Variants in KANSL2 observed in about 807,000 individuals in gnomAD.
KANSL2 encodes KAT8 regulatory NSL complex subunit 2, also known as NSL complex protein NSL2.
Under a neutral mutation model 55.6 loss-of-function variants are expected in KANSL2, and 34 were observed. That is an observed-to-expected ratio of 0.61 (90% CI 0.46 to 0.81). KANSL2 has a LOEUF of 0.81. Among genes scored for constraint, KANSL2 ranks in the 40% least tolerant of loss-of-function variants. KANSL2 has a pLI of 0.00. For missense variants in KANSL2, 502 were observed against 609.9 expected (o/e 0.82, Z 1.86); for synonymous variants, 209 against 214.3 (o/e 0.98, Z 0.22).
intron 7 of KANSL2, chr12:48,662,545 G>A (rs1449810395): frequency 7.9e-7 from 1 of 1,261,278 alleles, no homozygotes; most frequent in African/African-American, 1.6e-5. Flanking sequence ...AAAAAGAAGG[G>A]AATGGTTAAC....
chr12:48,660,500 G>A lies in KANSL2; in HGVS notation c.1093C>T (p.Gln365Ter), dbSNP rs1020178544. 1 of 1,613,666 alleles carries A rather than the reference G, an allele frequency of 6.2e-7. No individual in the cohort carries two copies. Among genetic ancestry groups the A allele is most frequent in the Admixed American group, 1.7e-5 (1 of 59,968 alleles). ...GGCTTATACATCTGAGGAGGCAACTGGAAATGCAGTGGGCAGCAGGGATCC... is the reference window on the plus strand; with the variant it reads ...GGCTTATACATCTGAGGAGGCAACTAGAAATGCAGTGGGCAGCAGGGATCC... ...SEDPCCPLHF[Q>*]LPPQMYKPEQ... The change falls in exon 8 of 10, where the codon CAG (glutamine) becomes TAG (stop). Residue 365 changes from glutamine to a stop codon, truncating the protein, a stop_gained. Transcript: ENST00000420613. LOFTEE classifies it high-confidence loss of function.
intron 7 of KANSL2, among the ~76,000 whole-genome samples, chr12:48,665,031 A>G (rs4500528): frequency 0.28 from 42,275 of 151,516 alleles, 7,170 homozygotes; most frequent in East Asian, 0.76. Flanking sequence ...CATCGTGACC[A>G]GATAATTTTT....
In KANSL2 at chr12:48,671,837, C is replaced by T. The variant is rs755616374; in HGVS notation, c.671G>A (p.Arg224Gln). 1.9e-5 allele frequency: 30 copies of T among 1,612,668 alleles called. No individual in the cohort carries two copies. In the Admixed American group the frequency reaches 3.5e-4, roughly 19 times the overall value. ...TTCCACTTTGCGATTATGTAAGTAT[C>T]GGCGCTTCTTCTCCTTGAGCAGATG... ...LQHLLKEKKR[R>Q]YLHNRKVEHE... is the part of the protein sequence containing the mutation. Residue 224 changes from arginine to glutamine, a missense_variant, in exon 5 of 10, where the codon CGA (arginine) becomes CAA (glutamine). Arg to Gln is a conservative substitution (Grantham distance 43). Transcript: ENST00000420613.
At chr12:48,674,622 AAAAG>A (rs1939787170) in intron 4 of KANSL2, among the ~76,000 whole-genome samples, 1 of 152,234 alleles carries the variant, frequency 6.6e-6, no homozygotes, top group Admixed American at 6.5e-5. Context: ...AGTAAAAGTG[AAAAG>A]AAATTAAGAA....
Position 48,660,616 on chromosome 12 carries a change from A to G in KANSL2, c.977T>C (p.Ile326Thr). ...LPMTRHCLTH[I>T]CQDTNQVLFK... The stretch of plus-strand genomic sequence containing the variant: ...GAGAACCTGATTCGTATCCTGACAA[A>G]TATCTGTAGAAAAATGGTCAAGGGA... The change falls in exon 8 of 10, where the codon ATT (isoleucine) becomes ACT (threonine). Residue 326 changes from isoleucine to threonine, a missense_variant. By Grantham distance (89) the Ile-to-Thr change is moderately conservative. Coordinates refer to ENST00000420613, the MANE Select transcript of KANSL2 (RefSeq NM_017822.4). The G allele has an allele frequency of 1.9e-6, 3 of 1,610,744 alleles. No homozygotes were observed. Among genetic ancestry groups the G allele is most frequent in the East Asian group, 2.2e-5 (1 of 44,826 alleles).
chr12:48,679,623 T>A, intron 3 of KANSL2, 32 bp downstream of exon 3: 2 of 1,594,006 alleles, frequency 1.3e-6, no homozygotes, highest in African/African-American at 1.3e-5. Context: ...ACTTTCTTCC[T>A]CCTTTTTCAT....
intron 4 of KANSL2, among the ~76,000 whole-genome samples, chr12:48,672,433 A>ATATATATTTT (rs371918890): frequency 4.2e-5 from 5 of 120,384 alleles, no homozygotes; most frequent in African/African-American, 1.8e-4. Flanking sequence ...ATATATATAT[A>ATATATATTTT]TTTTTTTTTT....
intron 4 of KANSL2, among the ~76,000 whole-genome samples, chr12:48,673,152 CTAATTTT>C (rs1441893149): frequency 6.6e-6 from 1 of 152,180 alleles, no homozygotes; most frequent in African/African-American, 2.4e-5. Context: ...CTGTCCTCAG[CTAATTTT>C]CTTGACAATA....
intron 7 of KANSL2, among the ~76,000 whole-genome samples, chr12:48,664,072 G>A (rs1215136231): frequency 5.3e-5 from 8 of 150,986 alleles, no homozygotes; most frequent in African/African-American, 7.3e-5. Context: ...CCATCACCAC[G>A]CCTGGCTAAT....
intron 4 of KANSL2, among the ~76,000 whole-genome samples, chr12:48,678,480 A>G (rs1023552002): frequency 1.3e-5 from 2 of 152,172 alleles, no homozygotes; most frequent in Non-Finnish European, 2.9e-5. Flanking sequence ...ACACACAAAA[A>G]AACACTAAAT....
At chr12:48,663,379 T>C (rs182085420) in intron 7 of KANSL2, among the ~76,000 whole-genome samples, 6 of 152,302 alleles carry the variant, frequency 3.9e-5, no homozygotes, top group Non-Finnish European at 5.9e-5. Flanking sequence ...TTTTGAAAAA[T>C]TGTATATTTT....
chr12:48,663,095 C>T (rs981790790), intron 7 of KANSL2, among the ~76,000 whole-genome samples: 1 of 152,184 alleles, frequency 6.6e-6, no homozygotes, highest in Non-Finnish European at 1.5e-5. Context: ...ATATTCCACA[C>T]TATGTTGTGT....
chr12:48,660,093 T>C (rs111439313), intron 8 of KANSL2, among the ~76,000 whole-genome samples: 11 of 152,282 alleles, frequency 7.2e-5, no homozygotes, highest in African/African-American at 2.4e-4. Context: ...TTTGCGAATA[T>C]ACTAAAAATC....
chr12:48,661,586 T>C (rs1008289469), intron 7 of KANSL2, among the ~76,000 whole-genome samples: 20 of 152,244 alleles, frequency 1.3e-4, no homozygotes, highest in African/African-American at 4.3e-4. Context: ...ACCTGAATTA[T>C]GGAGTTATAA....
At chr12:48,671,273 T>TG (rs1939708154) in intron 5 of KANSL2, among the ~76,000 whole-genome samples, 1 of 6,188 alleles carries the variant, frequency 1.6e-4, no homozygotes, top group African/African-American at 5.9e-4. Context: ...TCCGTCTCAA[T>TG]TAAAAAAAAA....
Position 48,682,232 on chromosome 12 carries a change from C to T in KANSL2, c.-55G>A. The stretch of plus-strand genomic sequence containing the variant: ...GCACTCTGCCGCGCCGCTCGCCCTT[C>T]TCTAGTGGCGCCAGCGGCTCTCAGA... On this transcript the variant is annotated 5_prime_UTR_variant, in exon 1 of 10. Coordinates refer to ENST00000420613, the MANE Select transcript of KANSL2 (RefSeq NM_017822.4). 3.2e-6 allele frequency: 2 copies of T among 627,254 alleles called. No individual in the cohort carries two copies. The highest frequency in any genetic ancestry group is 3.6e-5 in the South Asian group (2 of 55,510). The allele number at this position is 627,254 out of a possible 1,614,324, so 38.9% of individuals were successfully genotyped here.
rs532268354 is a variant in KANSL2 at position 48,655,113 on chromosome 12, T to G, written c.1228-53A>C. On this transcript the variant is annotated intron_variant, in intron 8 of 9. Transcript: ENST00000420613. Reference sequence around the variant, plus strand: ...AATACCAAGGGAAACAGTAATAAAGTTGGCATGTTTTTCAGCAAACTTTAA... The same window carrying G: ...AATACCAAGGGAAACAGTAATAAAGGTGGCATGTTTTTCAGCAAACTTTAA... The G allele has an allele frequency of 2.6e-6, 4 of 1,532,262 alleles. No individual in the cohort carries two copies. The African/African-American group carries it at 4.2e-5, about 16-fold the overall frequency. The allele number at this position is 1,532,262 out of a possible 1,614,324, so 94.9% of individuals were successfully genotyped here.
chr12:48,671,300 A>T (rs989799776), intron 5 of KANSL2, among the ~76,000 whole-genome samples: 1 of 151,570 alleles, frequency 6.6e-6, no homozygotes, highest in African/African-American at 2.4e-5. Context: ...TGAAAGTAAA[A>T]AAGTTACAGT....
chr12:48,679,380 C>G, intron 3 of KANSL2: 1 of 617,408 alleles, frequency 1.6e-6, no homozygotes, highest in South Asian at 1.9e-5. Context: ...ACAGAAAAAT[C>G]AACTTAAAAT....
Sources: gnomAD v4.1 joint callset for allele counts (sites outside exome capture counted in the v4.1 genomes callset) on GRCh38, gnomAD v4.1.1 for gene constraint, MANE v1.5 for transcripts, NCBI Gene and HGNC (gene_info 2026-07-23, HGNC 2026-07-21) for gene names.